MPP1: variants seen among roughly 807,000 people sequenced by gnomAD.
MPP1 encodes MAGUK p55 scaffold protein 1, also known as 55 kDa erythrocyte membrane protein.
In MPP1, 6 loss-of-function variants were observed where a neutral mutation model predicts 38.2. The ratio of observed to expected loss-of-function variants is 0.16; its 90% CI spans 0.09 to 0.31. MPP1 has a LOEUF of 0.31. Among genes scored for constraint, MPP1 ranks in the 10% least tolerant of loss-of-function variants. The probability of loss-of-function intolerance (pLI) is 1.00; values close to 1 mark genes in which losing one functional copy is unlikely to be tolerated. For synonymous variants in MPP1, 153 were observed against 146.3 expected (o/e 1.05, Z -0.33); for missense variants, 293 against 368.9 (o/e 0.79, Z 1.69).
intron 10 of MPP1, 112 bp downstream of exon 10, chrX:154,781,488 C>T (rs2072000467): frequency 2.7e-5 from 24 of 897,124 alleles, no homozygotes; most frequent in Non-Finnish European, 3.8e-5. Context: ...AGGCTGACCC[C>T]ATTAAAAGGC....
intron 1 of MPP1, among the ~76,000 whole-genome samples, chrX:154,801,829 C>A (rs2072271085): frequency 1.1e-5 from 1 of 90,978 alleles, no homozygotes; most frequent in Non-Finnish European, 2.1e-5. Context: ...AAGTGAAGGA[C>A]AGGAAAGGCA....
chrX:154,784,000 A>G, intron 8 of MPP1, 28 bp downstream of exon 8: 1 of 1,184,272 alleles, frequency 8.4e-7, no homozygotes, highest in Non-Finnish European at 1.1e-6. Flanking sequence ...AAAGACAGAA[A>G]TGTGCAAATG....
chrX:154,803,707 C>G (rs1569559043), intron 1 of MPP1, among the ~76,000 whole-genome samples: 1 of 112,261 alleles, frequency 8.9e-6, no homozygotes, highest in Non-Finnish European at 1.9e-5. Context: ...CTTCCTGGAA[C>G]CTTGAAAATG....
chrX:154,786,236 T>A lies in MPP1; in HGVS notation c.645A>T (p.Ala215=), dbSNP rs782312976. Residue 215 remains alanine (A), a synonymous_variant, in exon 6 of 12, where the codon GCA becomes GCT. Transcript: ENST00000369534. ...GRVEGSSKES[A]GLIPSPELQE... is the part of the protein sequence containing the mutation. ...GCAGCTCAGGGGAAGGGATCAATCC[T>A]GCTGACTCCTTGGAGGAGCCTTCCA... 8.3e-7 allele frequency: 1 copy of A among 1,211,907 alleles called. No homozygotes were observed. The highest frequency in any genetic ancestry group is 2.2e-5 in the Admixed American group (1 of 46,122).
chrX:154,787,101 AACACAC>A (rs59779466), intron 5 of MPP1, among the ~76,000 whole-genome samples: 3,738 of 82,790 alleles, frequency 0.045, 75 homozygotes, highest in South Asian at 0.097. Context: ...CCTGCTCCCA[AACACAC>A]ACACACACAC....
chrX:154,783,951 CCT>C, intron 8 of MPP1, 75 bp downstream of exon 8: 1 of 949,169 alleles, frequency 1.1e-6, no homozygotes, highest in Non-Finnish European at 1.5e-6. Flanking sequence ...TTCCTCACTG[CCT>C]TTTTTGGGGG....
chrX:154,784,971 C>T lies in MPP1; in HGVS notation c.784+80G>A, dbSNP rs1557267044. 2.4e-5 allele frequency: 21 copies of T among 892,225 alleles called. No individual in the cohort carries two copies. In the South Asian group the frequency reaches 4.3e-4, roughly 18 times the overall value. 73.5% of individuals were successfully genotyped at this position (892,225 alleles called of 1,213,427 possible). A position where few individuals can be genotyped will look rare whatever the true frequency, so the allele number is the denominator to read the frequency against. On this transcript the variant is annotated intron_variant, in intron 7 of 11. Coordinates refer to ENST00000369534, the MANE Select transcript of MPP1 (RefSeq NM_002436.4). ...CTTCTGCTGCGCACTGCACCACCTC[C>T]CCTTTTCTGCTGGTTACAGAGACTG...
chrX:154,802,282 G>T (rs1557268800), intron 1 of MPP1, among the ~76,000 whole-genome samples: 1 of 112,432 alleles, frequency 8.9e-6, no homozygotes, highest in Admixed American at 9.4e-5. Context: ...CCATGTCTGC[G>T]TCCTTCCTTA....
At chrX:154,787,341 C>T (rs1229479394) in intron 5 of MPP1, among the ~76,000 whole-genome samples, 12 of 111,599 alleles carry the variant, frequency 1.1e-4, no homozygotes, top group African/African-American at 1.6e-4. Context: ...ATCAGCAAGT[C>T]AAATTTAGTT....
chrX:154,779,088 T>G lies in MPP1; in HGVS notation c.*89A>C. 1.1e-6 allele frequency: 1 copy of G among 905,850 alleles called. No homozygotes were observed. The highest frequency in any genetic ancestry group is 1.5e-6 in the Non-Finnish European group (1 of 653,650). 74.7% of individuals were successfully genotyped at this position (905,850 alleles called of 1,213,427 possible). On this transcript the variant is annotated 3_prime_UTR_variant, in exon 12 of 12. Coordinates refer to ENST00000369534, the MANE Select transcript of MPP1 (RefSeq NM_002436.4). The stretch of plus-strand genomic sequence containing the variant: ...GAGCTGGAAGCTGACACAAAACTAG[T>G]TGGAGCAGCCCTGTTTGTCTTAAAG...
At position 154,783,480 on chromosome X, in the gene MPP1, A is replaced by G; in HGVS notation, c.893T>C (p.Ile298Thr). 8.3e-7 allele frequency: 1 copy of G among 1,209,972 alleles called. No individual in the cohort carries two copies. The highest frequency in any genetic ancestry group is 1.1e-6 in the Non-Finnish European group (1 of 894,639). ...IGASGVGRSH[I>T]KNALLSQNPE... Reference sequence around the variant, plus strand: ...ATTCTGGCTGAGCAGGGCATTCTTAATGTGGCTGCGACCCACCCCACTGGC... The same window carrying G: ...ATTCTGGCTGAGCAGGGCATTCTTAGTGTGGCTGCGACCCACCCCACTGGC... The change falls in exon 9 of 12, where the codon ATT becomes ACT. Residue 298 changes from isoleucine to threonine, a missense_variant. Coordinates refer to ENST00000369534, the MANE Select transcript of MPP1 (RefSeq NM_002436.4).
chrX:154,801,927 C>T (rs1438104968), intron 1 of MPP1, among the ~76,000 whole-genome samples: 3 of 110,750 alleles, frequency 2.7e-5, no homozygotes, highest in Non-Finnish European at 5.7e-5. Flanking sequence ...AGTATCAGTT[C>T]TGTGAAAAGA....
chrX:154,782,068 C>G, intron 9 of MPP1: 1 of 296,186 alleles, frequency 3.4e-6, no homozygotes, highest in South Asian at 1.6e-4. Flanking sequence ...AATGAAGTTA[C>G]ATCTCTCAAA....
intron 8 of MPP1, 163 bp downstream of exon 8, chrX:154,783,865 T>C: frequency 2.2e-6 from 1 of 458,932 alleles, no homozygotes; most frequent in Non-Finnish European, 3.9e-6. Context: ...TGGACCCAGG[T>C]GGGGTGCACG....
intron 11 of MPP1, 93 bp downstream of exon 11, chrX:154,781,146 C>T: frequency 5.0e-6 from 4 of 806,220 alleles, no homozygotes; most frequent in Non-Finnish European, 7.3e-6. Flanking sequence ...CTGTGACCTC[C>T]AGCCAGCACT....
In MPP1 at chrX:154,801,768, AAAAAAAAAAAAAAAAAAAC is replaced by A. The variant is rs1188930615; in HGVS notation, c.102+3485_102+3503del. Reference sequence around the variant, plus strand: ...AGCAAAACTCTGTCTCAAAAAAAAAAAAAAAAAAAAAAAAAAAACAAAAAACAGAAAAAAGTCATGAAGT... The same window carrying A: ...AGCAAAACTCTGTCTCAAAAAAAAAAAAAAAACAGAAAAAAGTCATGAAGT... On this transcript the variant is annotated intron_variant, in intron 1 of 11. Coordinates refer to ENST00000369534, the MANE Select transcript of MPP1 (RefSeq NM_002436.4). Among the ~76,000 whole-genome samples the A allele has an allele frequency of 1.9e-4, 16 of 83,234 alleles. 1 individual carries two copies. The highest frequency in any genetic ancestry group is 6.1e-4 in the South Asian group (1 of 1,640). The allele number at this position is 83,234 out of a possible 115,157, so 72.3% of individuals were successfully genotyped here.
rs976821045 is a variant in MPP1, at chrX:154,805,474, G to C, written c.-101C>G. ...CGGAGAAGGCGGGAGACGCGGTGCG[G>C]CTGGGCCAGTCACCGCCCCGCAGGC... On this transcript the variant is annotated 5_prime_UTR_variant, in exon 1 of 12. Transcript: ENST00000369534. 24 of 842,986 alleles carry C rather than the reference G, an allele frequency of 2.8e-5. No homozygotes were observed. Among genetic ancestry groups the C allele is most frequent in the Non-Finnish European group, 3.8e-5 (23 of 603,005 alleles). The allele number at this position is 842,986 out of a possible 1,213,427, so 69.5% of individuals were successfully genotyped here. A position where few individuals can be genotyped will look rare whatever the true frequency, so the allele number is the denominator to read the frequency against.
At chrX:154,793,187 A>G (rs1209186784) in intron 1 of MPP1, among the ~76,000 whole-genome samples, 2 of 112,215 alleles carry the variant, frequency 1.8e-5, no homozygotes, top group African/African-American at 6.5e-5. Flanking sequence ...TTCATCAAAA[A>G]ACTCCACTGA....
chrX:154,805,181 C>G, intron 1 of MPP1, 91 bp downstream of exon 1: 7 of 910,646 alleles, frequency 7.7e-6, no homozygotes, highest in Non-Finnish European at 1.1e-5. Flanking sequence ...AAGGACAGGC[C>G]CCCCGGGGAC....
Sources: gnomAD v4.1 joint callset for allele counts (sites outside exome capture counted in the v4.1 genomes callset) on GRCh38, gnomAD v4.1.1 for gene constraint, MANE v1.5 for transcripts, NCBI Gene and HGNC (gene_info 2026-07-23, HGNC 2026-07-21) for gene names.